Variants in SCHIP1 observed in about 807,000 individuals in gnomAD.
SCHIP1 encodes the protein schwannomin interacting protein 1, also known as schwannomin-interacting protein 1.
In SCHIP1, 8 loss-of-function variants were observed where a neutral mutation model predicts 29.7. That is an observed-to-expected ratio of 0.27 (90% CI 0.16 to 0.49). SCHIP1 has a LOEUF of 0.49. Among genes scored for constraint, SCHIP1 ranks in the 20% least tolerant of loss-of-function variants. SCHIP1 has a pLI of 0.99. For synonymous variants in SCHIP1, 76 were observed against 94.9 expected, an observed-to-expected ratio of 0.80 and a Z score of 1.16; for missense variants, 193 against 294.6, an observed-to-expected ratio of 0.66 and a Z score of 2.52.
the SCHIP1 span, among the ~76,000 whole-genome samples, chr3:159,661,072 AC>A: frequency 3.3e-4 from 51 of 152,284 alleles, no homozygotes; most frequent in African/African-American, 9.9e-4. Flanking sequence ...AAACAAGGAA[AC>A]CTGGAACTTG....
the SCHIP1 span, among the ~76,000 whole-genome samples, chr3:159,624,539 G>T: frequency 2.4e-4 from 37 of 152,282 alleles, no homozygotes; most frequent in Middle Eastern, 3.4e-3. Context: ...GAAGCTAGAA[G>T]ATGGAATAAT....
chr3:159,551,309 A>C, the SCHIP1 span, among the ~76,000 whole-genome samples: 1 of 152,204 alleles, frequency 6.6e-6, no homozygotes, highest in African/African-American at 2.4e-5. Context: ...AGAGTATGCC[A>C]AACTATATAA....
chr3:159,826,640 A>G, the SCHIP1 span, among the ~76,000 whole-genome samples: 1 of 152,236 alleles, frequency 6.6e-6, no homozygotes, highest in Non-Finnish European at 1.5e-5. Flanking sequence ...GTCCCTTAGC[A>G]TCATCTCAGA....
chr3:159,384,351 C>A, the SCHIP1 span, among the ~76,000 whole-genome samples: 2 of 152,008 alleles, frequency 1.3e-5, no homozygotes, highest in Non-Finnish European at 1.5e-5. Flanking sequence ...GCCTTTTCTG[C>A]ATCTATTGAG....
the SCHIP1 span, among the ~76,000 whole-genome samples, chr3:159,476,222 G>A: frequency 2.6e-5 from 4 of 152,176 alleles, no homozygotes; most frequent in East Asian, 3.9e-4. Flanking sequence ...AATGTTTAAC[G>A]TCAGTTAAGG....
chr3:159,450,596 C>A, the SCHIP1 span, among the ~76,000 whole-genome samples: 1 of 152,128 alleles, frequency 6.6e-6, no homozygotes, highest in Non-Finnish European at 1.5e-5. Flanking sequence ...TCTTTCAGCC[C>A]TGCCCCCAAA....
At chr3:159,499,419 C>A in the SCHIP1 span, among the ~76,000 whole-genome samples, 9 of 152,212 alleles carry the variant, frequency 5.9e-5, no homozygotes, top group African/African-American at 2.2e-4. Flanking sequence ...CCTTTCAAAG[C>A]CCCATCATAC....
chr3:159,894,696 A>G (rs1717882189), intron 6 of SCHIP1: 1 of 151,108 alleles, frequency 6.6e-6, no homozygotes, highest in South Asian at 2.1e-4. Flanking sequence ...TAAGCCCTCA[A>G]TAGCAATTGT....
chr3:159,289,993 T>A, the SCHIP1 span, among the ~76,000 whole-genome samples: 1 of 152,194 alleles, frequency 6.6e-6, no homozygotes. Context: ...CCAACGAAGC[T>A]ACACTAAGCA....
the SCHIP1 span, among the ~76,000 whole-genome samples, chr3:159,626,786 T>C: frequency 6.6e-6 from 1 of 152,184 alleles, no homozygotes; most frequent in Non-Finnish European, 1.5e-5. Flanking sequence ...GTCTCCTAGA[T>C]TGCATTCCTG....
the SCHIP1 span, among the ~76,000 whole-genome samples, chr3:159,665,449 T>C: frequency 3.7e-4 from 56 of 151,664 alleles, no homozygotes; most frequent in Non-Finnish European, 6.0e-4. Context: ...CCTTTTCTAA[T>C]AGCAGCACTC....
chr3:159,483,605 T>C, the SCHIP1 span, among the ~76,000 whole-genome samples: 138 of 152,314 alleles, frequency 9.1e-4, no homozygotes, highest in Admixed American at 4.2e-3. Context: ...TTATAAAATA[T>C]AACTTACTTT....
the SCHIP1 span, among the ~76,000 whole-genome samples, chr3:159,312,874 T>C: frequency 6.6e-6 from 1 of 152,190 alleles, no homozygotes; most frequent in East Asian, 1.9e-4. Flanking sequence ...TGGCTGGCAT[T>C]TTTCAACAGG....
chr3:159,383,225 G>T, the SCHIP1 span, among the ~76,000 whole-genome samples: 3 of 151,150 alleles, frequency 2.0e-5, no homozygotes, highest in East Asian at 3.9e-4. Flanking sequence ...TTCTTCTAGG[G>T]TTTTTATGGT....
chr3:159,519,232 G>A, the SCHIP1 span, among the ~76,000 whole-genome samples: 1 of 152,126 alleles, frequency 6.6e-6, no homozygotes, highest in South Asian at 2.1e-4. Flanking sequence ...TTAAATAAAA[G>A]AGAAGAAGCA....
At chr3:159,750,749 G>A in the SCHIP1 span, among the ~76,000 whole-genome samples, 3 of 152,202 alleles carry the variant, frequency 2.0e-5, no homozygotes, top group East Asian at 5.8e-4. Flanking sequence ...TTTGGTGATG[G>A]GGCAGTGGGT....
chr3:159,696,004 A>G, the SCHIP1 span, among the ~76,000 whole-genome samples: 1 of 152,022 alleles, frequency 6.6e-6, no homozygotes, highest in Admixed American at 6.6e-5. Flanking sequence ...GAGTAGTCAA[A>G]CCTATCAACA....
chr3:159,731,551 T>C, the SCHIP1 span, among the ~76,000 whole-genome samples: 2 of 152,186 alleles, frequency 1.3e-5, no homozygotes, highest in African/African-American at 4.8e-5. Context: ...TCATCTCCAC[T>C]TCACTGTTTT....
At chr3:159,849,828 T>C (rs143448154) in intron 1 of SCHIP1, among the ~76,000 whole-genome samples, 240 of 152,374 alleles carry the variant, frequency 1.6e-3, no homozygotes, top group Middle Eastern at 3.4e-3. Flanking sequence ...GCACTATTAA[T>C]GTTTCCTACT....
Sources: gnomAD v4.1 joint callset for allele counts (sites outside exome capture counted in the v4.1 genomes callset) on GRCh38, gnomAD v4.1.1 for gene constraint, MANE v1.5 for transcripts, NCBI Gene and HGNC (gene_info 2026-07-23, HGNC 2026-07-21) for gene names.